The following NEK4 variants were observed in gnomAD, a reference collection of about 807,000 sequenced individuals.
The protein encoded by NEK4 is serine/threonine-protein kinase Nek4.
A neutral mutation model predicts 98.4 loss-of-function variants in NEK4; 86 were observed. That is an observed-to-expected ratio of 0.87 (90% CI 0.73 to 1.05). NEK4 has a LOEUF of 1.05. Among genes scored for constraint, NEK4 ranks in the 50% least tolerant of loss-of-function variants. The pLI, the probability that NEK4 is intolerant of heterozygous loss-of-function variation, is 0.00. For missense variants in NEK4, 898 were observed against 950.3 expected (o/e 0.94, Z 0.72); for synonymous variants, 328 against 342.2 (o/e 0.96, Z 0.46).
At chr3:52,763,258 C>A (rs1054628414) in intron 5 of NEK4, among the ~76,000 whole-genome samples, 1 of 152,212 alleles carries the variant, frequency 6.6e-6, no homozygotes, top group African/African-American at 2.4e-5. Context: ...AATCTACATG[C>A]TTTTCTCCTG....
chr3:52,760,186 G>A (rs1698304921), intron 6 of NEK4, among the ~76,000 whole-genome samples: 1 of 151,890 alleles, frequency 6.6e-6, no homozygotes, highest in Non-Finnish European at 1.5e-5. Flanking sequence ...ACATTTAATT[G>A]ATCACTTTAT....
chr3:52,722,068 A>G (rs2097360553), intron 15 of NEK4, among the ~76,000 whole-genome samples: 1 of 152,026 alleles, frequency 6.6e-6, no homozygotes, highest in African/African-American at 2.4e-5. Context: ...CTTTTAACCA[A>G]TCGAATGTTG....
chr3:52,769,684 G>A (rs913395192), intron 1 of NEK4, among the ~76,000 whole-genome samples: 4 of 152,302 alleles, frequency 2.6e-5, no homozygotes, highest in African/African-American at 7.2e-5. Context: ...CTATATTTAG[G>A]GGGAACATCT....
At chr3:52,765,119 G>A (rs1407664937) in intron 4 of NEK4, among the ~76,000 whole-genome samples, 1 of 152,118 alleles carries the variant, frequency 6.6e-6, no homozygotes, top group African/African-American at 2.4e-5. Flanking sequence ...GGGAGGCTGA[G>A]GCGGGCGGAT....
chr3:52,759,068 G>A (rs1358498679), intron 6 of NEK4, among the ~76,000 whole-genome samples: 1 of 144,550 alleles, frequency 6.9e-6, no homozygotes, highest in Admixed American at 7.4e-5. Flanking sequence ...TCCAGCCTAC[G>A]TAACAGAGCA....
intron 15 of NEK4, among the ~76,000 whole-genome samples, chr3:52,728,318 G>C (rs1192583399): frequency 6.6e-6 from 1 of 152,218 alleles, no homozygotes; most frequent in African/African-American, 2.4e-5. Flanking sequence ...AGAGGTTACA[G>C]AGAGCCAAAA....
At chr3:52,760,734 T>C in intron 6 of NEK4, 61 bp downstream of exon 6, 4 of 1,139,584 alleles carry the variant, frequency 3.5e-6, no homozygotes, top group East Asian at 2.3e-5. Flanking sequence ...ATAATTTGCT[T>C]AGATGGCCCA....
intron 9 of NEK4, 97 bp downstream of exon 9, chr3:52,746,637 T>C: frequency 9.2e-7 from 1 of 1,082,354 alleles, no homozygotes; most frequent in Non-Finnish European, 1.4e-6. Context: ...TTATGTTCCT[T>C]GCATTTCTTA....
chr3:52,715,802 G>T (rs972035826), intron 15 of NEK4, among the ~76,000 whole-genome samples: 1 of 152,234 alleles, frequency 6.6e-6, no homozygotes, highest in Non-Finnish European at 1.5e-5. Flanking sequence ...GAGGCTAAAA[G>T]AACTGTAAAC....
At chr3:52,717,617 T>C (rs539335184) in intron 15 of NEK4, among the ~76,000 whole-genome samples, 5 of 152,082 alleles carry the variant, frequency 3.3e-5, no homozygotes, top group African/African-American at 4.8e-5. Flanking sequence ...CACAGCTCCA[T>C]AGCCATGCTC....
Position 52,760,781 on chromosome 3 carries a change from A to C in NEK4, c.963+14T>G, listed in dbSNP as rs1276186512. 6.3e-7 allele frequency: 1 copy of C among 1,588,460 alleles called. No homozygotes were observed. The highest frequency in any genetic ancestry group is 8.6e-7 in the Non-Finnish European group (1 of 1,167,330). Reference sequence around the variant, plus strand: ...GCAGTTTCTAAAACACATACCCTTTAAAAAGAAACGTACCATTATATATGT... The same window carrying C: ...GCAGTTTCTAAAACACATACCCTTTCAAAAGAAACGTACCATTATATATGT... On this transcript the variant is annotated intron_variant, in intron 6 of 15. Coordinates refer to ENST00000233027, the MANE Select transcript of NEK4 (RefSeq NM_003157.6).
intron 7 of NEK4, among the ~76,000 whole-genome samples, chr3:52,751,455 CA>C (rs11426928): frequency 0.044 from 5,483 of 125,528 alleles, 136 homozygotes; most frequent in Non-Finnish European, 0.063. Flanking sequence ...GACTCTGTCT[CA>C]AAAAAAAAAA....
At chr3:52,714,254 G>T (rs946834059) in intron 15 of NEK4, among the ~76,000 whole-genome samples, 2 of 152,200 alleles carry the variant, frequency 1.3e-5, no homozygotes, top group African/African-American at 4.8e-5. Flanking sequence ...TGGAAACGGT[G>T]CTAAGAGAAA....
intron 5 of NEK4, among the ~76,000 whole-genome samples, chr3:52,763,206 G>A (rs758512434): frequency 3.9e-4 from 60 of 152,102 alleles, no homozygotes; most frequent in Non-Finnish European, 6.8e-4. Flanking sequence ...ATTTCCTTAT[G>A]AGGGCTCCTG....
At chr3:52,754,488 G>A (rs754350763) in intron 6 of NEK4, 40 of 776,714 alleles carry the variant, frequency 5.1e-5, no homozygotes, top group Non-Finnish European at 7.6e-5. Context: ...TGTATTACTC[G>A]TCTGTCTGAC....
chr3:52,731,635 G>T (rs954349073), intron 15 of NEK4, among the ~76,000 whole-genome samples: 9 of 152,196 alleles, frequency 5.9e-5, no homozygotes, highest in African/African-American at 2.2e-4. Context: ...CCATACGCAA[G>T]AATTAACTCA....
chr3:52,759,362 C>T (rs1698261824), intron 6 of NEK4, among the ~76,000 whole-genome samples: 1 of 151,290 alleles, frequency 6.6e-6, no homozygotes, highest in Admixed American at 6.6e-5. Flanking sequence ...GATCGCAGCA[C>T]TGCACTCCAG....
Position 52,711,786 on chromosome 3 carries a change from C to T in NEK4, c.2517G>A (p.Met839Ile). 1 of 1,604,044 alleles carries T rather than the reference C, an allele frequency of 6.2e-7. No individual in the cohort carries two copies. The highest frequency in any genetic ancestry group is 1.1e-5 in the South Asian group (1 of 90,392). ...AGATTAGGACAAATGCTCAAAAATTCATGTTTTCTTCAAAAAATTTCAACT... is the reference window on the plus strand; with the variant it reads ...AGATTAGGACAAATGCTCAAAAATTTATGTTTTCTTCAAAAAATTTCAACT... ...ARQLKFFEEN[M>I]NF The change falls in exon 16 of 16, where the codon ATG becomes ATA. Residue 839 changes from methionine to isoleucine, a missense_variant. Physicochemically the swap from Met to Ile is conservative, Grantham distance 10. Coordinates refer to ENST00000233027, the MANE Select transcript of NEK4 (RefSeq NM_003157.6).
chr3:52,718,977 G>A (rs751599272), intron 15 of NEK4, among the ~76,000 whole-genome samples: 7 of 152,100 alleles, frequency 4.6e-5, no homozygotes, highest in South Asian at 2.1e-4. Context: ...AGCTGGTCTC[G>A]AACTCCCAAC....
Sources: gnomAD v4.1 joint callset for allele counts (sites outside exome capture counted in the v4.1 genomes callset) on GRCh38, gnomAD v4.1.1 for gene constraint, MANE v1.5 for transcripts, NCBI Gene and HGNC (gene_info 2026-07-23, HGNC 2026-07-21) for gene names.